USP24: variants seen among roughly 807,000 people sequenced by gnomAD.
USP24 encodes the protein ubiquitin carboxyl-terminal hydrolase 24.
A neutral mutation model predicts 361.6 loss-of-function variants in USP24; 97 were observed. The ratio of observed to expected loss-of-function variants is 0.27; its 90% CI spans 0.23 to 0.32. The LOEUF is 0.32. USP24 is among the 10% of genes least tolerant of loss of function. USP24 has a pLI of 1.00. For synonymous variants in USP24, 1,098 were observed against 1,124.6 expected, an observed-to-expected ratio of 0.98 and a Z score of 0.47; for missense variants, 2,353 against 3,165.6, an observed-to-expected ratio of 0.74 and a Z score of 6.16.
chr1:55,138,619 A>G lies in USP24; in HGVS notation c.2917T>C (p.Phe973Leu). The change falls in exon 26 of 68, where the codon TTC (phenylalanine) becomes CTC (leucine). Residue 973 changes from phenylalanine to leucine, a missense_variant. By Grantham distance (22) the Phe-to-Leu change is conservative (BLOSUM62 0). This residue lies in a region of USP24 where 949 missense variants were observed against 1,280.5 expected (regional missense o/e 0.74). Transcript: ENST00000294383. ...NVTYESTKDT[F>L]TVEAHSNETI... ...TAATGTAAACCTACCTCGACAGTGA[A>G]GGTATCTTTGGTAGACTCATAGGTA... 1 of 1,609,202 alleles carries G rather than the reference A, an allele frequency of 6.2e-7. No homozygotes were observed. Among genetic ancestry groups the G allele is most frequent in the Non-Finnish European group, 8.5e-7 (1 of 1,176,606 alleles).
At position 55,071,687 on chromosome 1, in the gene USP24, C is replaced by T. The variant is rs1020563693; in HGVS notation, c.7800+127G>A. On this transcript the variant is annotated intron_variant, in intron 67 of 67. Transcript: ENST00000294383. Reference sequence around the variant, plus strand: ...CTGAGCTGAGATCACTAGAGGGCAGCGCTGGTAACTCTTTGGACTCACATT... The same window carrying T: ...CTGAGCTGAGATCACTAGAGGGCAGTGCTGGTAACTCTTTGGACTCACATT... 63 of 1,099,092 alleles carry T rather than the reference C, an allele frequency of 5.7e-5. 1 individual carries two copies. In the South Asian group the frequency reaches 6.4e-4, roughly 11 times the overall value. The allele number at this position is 1,099,092 out of a possible 1,614,324, so 68.1% of individuals were successfully genotyped here. A position where few individuals can be genotyped will look rare whatever the true frequency, so the allele number is the denominator to read the frequency against.
At position 55,154,442 on chromosome 1, in the gene USP24, C is replaced by A. The variant is rs988386705; in HGVS notation, c.1579G>T (p.Val527Leu). Residue 527 changes from valine to leucine, a missense_variant, in exon 14 of 68, where the codon GTA becomes TTA. Physicochemically the swap from Val to Leu is conservative, Grantham distance 32 (BLOSUM62 1). Transcript: ENST00000294383. The stretch of plus-strand genomic sequence containing the variant: ...ATCAGGCTCAAAAGCTTCTGTCTTA[C>A]TCTATCACTCTCAGTCTCCCAGCTC... The part of the protein sequence containing the change: ...QKSWETESDR[V>L]RQKLLSLIGR... The A allele has an allele frequency of 4.5e-6, 7 of 1,551,362 alleles. No homozygotes were observed. The highest frequency in any genetic ancestry group is 6.1e-6 in the Non-Finnish European group (7 of 1,146,838).
chr1:55,077,343 T>A (rs373685319), intron 61 of USP24, 43 bp from the exon 62 acceptor site: 1 of 1,501,956 alleles, frequency 6.7e-7, no homozygotes, highest in African/African-American at 1.4e-5. Flanking sequence ...GTGGAAAGCA[T>A]ATTGGAATGG....
At chr1:55,091,521 C>T (rs1429371381) in intron 54 of USP24, among the ~76,000 whole-genome samples, 1 of 152,230 alleles carries the variant, frequency 6.6e-6, no homozygotes, top group Non-Finnish European at 1.5e-5. Context: ...CTGAACACAG[C>T]CCAAACTCCC....
intron 1 of USP24, among the ~76,000 whole-genome samples, chr1:55,208,953 CA>C (rs921972126): frequency 4.0e-5 from 6 of 151,324 alleles, no homozygotes; most frequent in African/African-American, 7.3e-5. Context: ...CAAAACAAAA[CA>C]AAAAAAACCC....
chr1:55,124,316 C>A (rs953754759), intron 35 of USP24, among the ~76,000 whole-genome samples, 153 bp downstream of exon 35: 2 of 152,136 alleles, frequency 1.3e-5, no homozygotes, highest in Non-Finnish European at 2.9e-5. Flanking sequence ...TACATAAATA[C>A]TAAGTGTATA....
At chr1:55,191,380 A>G (rs1284042089) in intron 1 of USP24, among the ~76,000 whole-genome samples, 1 of 152,188 alleles carries the variant, frequency 6.6e-6, no homozygotes, top group Non-Finnish European at 1.5e-5. Context: ...AATGCTTTAT[A>G]GTGCCATAAA....
In USP24 at chr1:55,078,535, T is replaced by C; in HGVS notation, c.7314+3A>G. On this transcript the variant is annotated splice_donor_region_variant and intron_variant, in intron 61 of 67. Transcript: ENST00000294383. ...GCTATCACTCGTTTAACTGAGGTCT[T>C]ACCTTAATGAAATGCAGCATTGTGA... is the stretch of plus-strand genomic sequence containing the variant. 6.2e-7 allele frequency: 1 copy of C among 1,607,734 alleles called. No homozygotes were observed. Among genetic ancestry groups the C allele is most frequent in the South Asian group, 1.1e-5 (1 of 89,658 alleles).
chr1:55,163,456 C>G (rs945635696), intron 7 of USP24, among the ~76,000 whole-genome samples: 3 of 151,874 alleles, frequency 2.0e-5, no homozygotes, highest in East Asian at 1.9e-4. Flanking sequence ...CCTAAATAAA[C>G]TAGGTCAATT....
chr1:55,116,332 G>A (rs1456092433), intron 38 of USP24, among the ~76,000 whole-genome samples: 1 of 150,516 alleles, frequency 6.6e-6, no homozygotes, highest in Non-Finnish European at 1.5e-5. Context: ...AATAAAGAAT[G>A]GCAAAACAAT....
In USP24 at chr1:55,143,068, T is replaced by A; in HGVS notation, c.2491A>T (p.Met831Leu). The change falls in exon 22 of 68, where the codon ATG (methionine) becomes TTG (leucine). Residue 831 changes from methionine to leucine, a missense_variant. Met to Leu is a conservative substitution (Grantham distance 15, BLOSUM62 2). Coordinates refer to ENST00000294383, the MANE Select transcript of USP24 (RefSeq NM_015306.3). ...GCAATTTCTTCATCAGGTGATTCCA[T>A]GGCTATTTTCCAAATGAAATCCATT... ...IGMDFIWKIAMESPDEEIANE... is the reference protein window; with the variant it reads ...IGMDFIWKIALESPDEEIANE... 1 of 1,533,514 alleles carries A rather than the reference T, an allele frequency of 6.5e-7. No individual in the cohort carries two copies. Among genetic ancestry groups the A allele is most frequent in the Non-Finnish European group, 8.8e-7 (1 of 1,142,102 alleles). 95.0% of individuals were successfully genotyped at this position (1,533,514 alleles called of 1,614,324 possible).
At chr1:55,147,549 T>A in intron 18 of USP24, 100 bp downstream of exon 18, 1 of 1,313,856 alleles carries the variant, frequency 7.6e-7, no homozygotes, top group Admixed American at 3.5e-5. Context: ...TCATACAACC[T>A]CTTTATAGTT....
chr1:55,186,507 A>G (rs1488079617), intron 1 of USP24, among the ~76,000 whole-genome samples: 6 of 152,236 alleles, frequency 3.9e-5, no homozygotes, highest in Admixed American at 6.5e-5. Context: ...AATAGCCAAA[A>G]GGTGGAAGCA....
At chr1:55,101,157 C>T (rs539628417) in intron 43 of USP24, among the ~76,000 whole-genome samples, 193 bp from the exon 44 acceptor site, 85 of 152,276 alleles carry the variant, frequency 5.6e-4, no homozygotes, top group Non-Finnish European at 1.2e-3. Flanking sequence ...TGTCCTTAAA[C>T]TCTGATTATG....
intron 28 of USP24, among the ~76,000 whole-genome samples, chr1:55,136,557 G>A (rs1448986219): frequency 6.6e-6 from 1 of 152,208 alleles, no homozygotes; most frequent in Non-Finnish European, 1.5e-5. Flanking sequence ...TATGCCAGGT[G>A]AGGCATGGTG....
chr1:55,087,189 A>C (rs1489229524), intron 55 of USP24, among the ~76,000 whole-genome samples: 1 of 152,216 alleles, frequency 6.6e-6, no homozygotes, highest in Non-Finnish European at 1.5e-5. Flanking sequence ...ATAAGTAATT[A>C]GAAAAAAAGA....
intron 24 of USP24, among the ~76,000 whole-genome samples, chr1:55,139,853 A>G (rs1646838917): frequency 1.3e-5 from 2 of 152,192 alleles, no homozygotes; most frequent in African/African-American, 2.4e-5. Context: ...ATTCCAGTCT[A>G]TGGGCAAGAA....
intron 1 of USP24, among the ~76,000 whole-genome samples, chr1:55,180,410 T>C (rs980416090): frequency 7.2e-5 from 11 of 152,236 alleles, no homozygotes; most frequent in Middle Eastern, 3.4e-3. Context: ...TTTTGTCCAA[T>C]AGACTCACTA....
chr1:55,109,051 C>G (rs1299783856), intron 39 of USP24, among the ~76,000 whole-genome samples: 1 of 152,218 alleles, frequency 6.6e-6, no homozygotes, highest in African/African-American at 2.4e-5. Context: ...TGCAGTGATG[C>G]AATCTCTGCT....
Sources: gnomAD v4.1 joint callset for allele counts (sites outside exome capture counted in the v4.1 genomes callset) on GRCh38, gnomAD v4.1.1 for gene constraint, gnomAD v4.1.1 regional missense constraint, MANE v1.5 for transcripts, NCBI Gene and HGNC (gene_info 2026-07-23, HGNC 2026-07-21) for gene names.